CEACAM3: variants seen among roughly 807,000 people sequenced by gnomAD.
CEACAM3 encodes the protein CEA cell adhesion molecule 3.
In CEACAM3, 32 loss-of-function variants were observed where a neutral mutation model predicts 30.1. The ratio of observed to expected loss-of-function variants is 1.06; its 90% CI spans 0.80 to 1.43. CEACAM3 has a LOEUF of 1.43. Among genes scored for constraint, CEACAM3 ranks in the 40% most tolerant of loss-of-function variants. The pLI, the probability that CEACAM3 is intolerant of heterozygous loss-of-function variation, is 0.00. For missense variants in CEACAM3, 290 were observed against 316.3 expected (o/e 0.92, Z 0.63); for synonymous variants, 134 against 127.2 (o/e 1.05, Z -0.36).
chr19:41,805,064 T>G (rs781786439), intron 2 of CEACAM3, among the ~76,000 whole-genome samples: 1 of 152,108 alleles, frequency 6.6e-6, no homozygotes, highest in Non-Finnish European at 1.5e-5. Context: ...GCTAAACCGA[T>G]ACTTGTAATA....
chr19:41,805,202 G>A (rs1555826546), intron 2 of CEACAM3, among the ~76,000 whole-genome samples: 1 of 150,896 alleles, frequency 6.6e-6, no homozygotes, highest in Non-Finnish European at 1.5e-5. Context: ...TCCATATTTT[G>A]CATAATTGAA....
At chr19:41,807,223 G>A (rs782811814) in intron 2 of CEACAM3, 4 of 1,609,594 alleles carry the variant, frequency 2.5e-6, no homozygotes, top group African/African-American at 1.3e-5. Flanking sequence ...GCCTGTAGTG[G>A]GTAAATGGTC....
At chr19:41,802,667 G>A (rs1196780889) in intron 2 of CEACAM3, among the ~76,000 whole-genome samples, 1 of 152,178 alleles carries the variant, frequency 6.6e-6, no homozygotes, top group African/African-American at 2.4e-5. Context: ...TAGTGAATAG[G>A]CAACAAAGAT....
intron 3 of CEACAM3, 163 bp from the exon 4 acceptor site, chr19:41,809,802 C>G: frequency 1.4e-6 from 1 of 696,628 alleles, no homozygotes. Context: ...TAAAGCCTTT[C>G]CTCAACTCCC....
chr19:41,809,731 TCTC>T (rs1378626010), intron 3 of CEACAM3: 1 of 478,566 alleles, frequency 2.1e-6, no homozygotes, highest in Admixed American at 3.5e-5. Context: ...GGGTCAATGT[TCTC>T]CTGGCCCGGC....
At chr19:41,810,693 G>A in intron 5 of CEACAM3, 139 bp from the exon 6 acceptor site, 1 of 819,482 alleles carries the variant, frequency 1.2e-6, no homozygotes, top group Non-Finnish European at 2.0e-6. Flanking sequence ...TGTCCACACT[G>A]GGAGGCTGAG....
intron 4 of CEACAM3, 36 bp downstream of exon 4, chr19:41,810,053 C>T: frequency 6.3e-7 from 1 of 1,598,324 alleles, no homozygotes; most frequent in Non-Finnish European, 8.6e-7. Flanking sequence ...GGCTGGGAAC[C>T]CCTAGGACAG....
At chr19:41,806,928 A>C (rs148398784) in intron 2 of CEACAM3, among the ~76,000 whole-genome samples, 2,392 of 151,888 alleles carry the variant, frequency 0.016, 71 homozygotes, top group African/African-American at 0.051. Flanking sequence ...ACCTCGTGAT[A>C]CGCCCGCCTC....
intron 1 of CEACAM3, chr19:41,797,301 AGAG>A: frequency 2.4e-6 from 1 of 418,644 alleles, no homozygotes; most frequent in Non-Finnish European, 4.3e-6. Flanking sequence ...CAGGGTCTCT[AGAG>A]GAGGTGTCAG....
In CEACAM3 at chr19:41,811,411, A is replaced by C; in HGVS notation, c.*174A>C. On this transcript the variant is annotated 3_prime_UTR_variant, in exon 7 of 7. Transcript: ENST00000357396. ...CCCTGATGAATATCTGGAGACCTCG[A>C]CAGCCTGCCCTAGGCCCTGGGTGGG... is the stretch of plus-strand genomic sequence containing the variant. 1.6e-6 allele frequency: 1 copy of C among 621,674 alleles called. No homozygotes were observed. The highest frequency in any genetic ancestry group is 2.9e-6 in the Non-Finnish European group (1 of 349,264). The allele number at this position is 621,674 out of a possible 1,614,324, so 38.5% of individuals were successfully genotyped here. A position where few individuals can be genotyped will look rare whatever the true frequency, so the allele number is the denominator to read the frequency against.
chr19:41,806,096 C>T (rs952690268), intron 2 of CEACAM3, among the ~76,000 whole-genome samples: 6 of 151,926 alleles, frequency 3.9e-5, no homozygotes, highest in Admixed American at 1.3e-4. Flanking sequence ...CGTGTAATCT[C>T]GGCTCACTAC....
At chr19:41,811,057 T>C (rs1395172378) in intron 6 of CEACAM3, 115 bp from the exon 7 acceptor site, 2 of 1,316,214 alleles carry the variant, frequency 1.5e-6, no homozygotes, top group East Asian at 4.7e-5. Context: ...AGGAACCCCC[T>C]GAGCACAGCC....
intron 2 of CEACAM3, chr19:41,798,182 A>ACTCAG (rs2073119619): frequency 2.9e-6 from 2 of 693,496 alleles, no homozygotes; most frequent in Admixed American, 3.3e-5. Flanking sequence ...TGATGGGGGG[A>ACTCAG]CTCAGCAGGG....
intron 1 of CEACAM3, 193 bp from the exon 2 acceptor site, chr19:41,797,396 G>A (rs970009920): frequency 1.5e-5 from 10 of 677,424 alleles, no homozygotes; most frequent in Non-Finnish European, 2.2e-5. Flanking sequence ...CCTGGGGAAG[G>A]GGATTCCACA....
intron 1 of CEACAM3, 124 bp from the exon 2 acceptor site, chr19:41,797,465 C>T: frequency 3.1e-6 from 4 of 1,297,988 alleles, no homozygotes; most frequent in South Asian, 1.4e-5. Context: ...CTGACCTTGA[C>T]CAAGTGGGAC....
Position 41,811,435 on chromosome 19 carries a change from G to T in CEACAM3, c.*198G>T. The T allele has an allele frequency of 1.7e-6, 1 of 586,608 alleles. No individual in the cohort carries two copies. The highest frequency in any genetic ancestry group is 3.0e-6 in the Non-Finnish European group (1 of 328,236). 36.3% of individuals were successfully genotyped at this position (586,608 alleles called of 1,614,324 possible). On this transcript the variant is annotated 3_prime_UTR_variant, in exon 7 of 7. Transcript: ENST00000357396. ...GACAGCCTGCCCTAGGCCCTGGGTGGGTCAGGACAAAGGCCTCTCATCACC... is the reference window on the plus strand; with the variant it reads ...GACAGCCTGCCCTAGGCCCTGGGTGTGTCAGGACAAAGGCCTCTCATCACC...
rs1802128242 is a variant in CEACAM3, at chr19:41,807,566, C to T, written c.425-1247C>T. On this transcript the variant is annotated intron_variant, in intron 2 of 6. Transcript: ENST00000357396. ...TTGACCAAGAATAGGAGGGGAGAGG[C>T]TGCTCCTGTCCTGGGAGGCTCAGGG... The T allele has an allele frequency of 2.1e-5, 27 of 1,276,130 alleles. No individual in the cohort carries two copies. The South Asian group carries it at 3.6e-4, about 17-fold the overall frequency. 79.1% of individuals were successfully genotyped at this position (1,276,130 alleles called of 1,614,324 possible).
chr19:41,808,460 T>C (rs544624866), intron 2 of CEACAM3, among the ~76,000 whole-genome samples: 1 of 152,094 alleles, frequency 6.6e-6, no homozygotes, highest in Non-Finnish European at 1.5e-5. Context: ...CTTATCAGCA[T>C]TGAGTTGATG....
chr19:41,811,024 A>T (rs1555827553), intron 6 of CEACAM3, 127 bp downstream of exon 6: 2 of 1,256,874 alleles, frequency 1.6e-6, no homozygotes, highest in African/African-American at 3.0e-5. Flanking sequence ...GGTGGCGAGC[A>T]GAGGAGGGAG....
Sources: allele counts gnomAD v4.1 joint callset (sites outside exome capture counted in the v4.1 genomes callset), GRCh38; gene constraint gnomAD v4.1.1; transcripts MANE v1.5; gene names NCBI Gene and HGNC (gene_info 2026-07-23, HGNC 2026-07-21).